Variants in KLF15 observed in about 807,000 individuals in gnomAD.
The protein encoded by KLF15 is Krueppel-like factor 15.
Under a neutral mutation model 24.6 loss-of-function variants are expected in KLF15, and 4 were observed. The ratio of observed to expected loss-of-function variants is 0.16; its 90% CI spans 0.08 to 0.37. The LOEUF (loss-of-function observed/expected upper bound fraction) is 0.37. Among genes scored for constraint, KLF15 ranks in the 10% least tolerant of loss-of-function variants. The probability of loss-of-function intolerance (pLI) is 1.00; values close to 1 mark genes in which losing one functional copy is unlikely to be tolerated. For synonymous variants in KLF15, 246 were observed against 236.3 expected (o/e 1.04, Z -0.37); for missense variants, 496 against 560.6 (o/e 0.88, Z 1.16).
chr3:126,336,548 T>C, the KLF15 span, among the ~76,000 whole-genome samples: 1 of 76,802 alleles, frequency 1.3e-5, no homozygotes. Context: ...CAAAAAGCAA[T>C]GGCAACAAAA....
At chr3:126,293,414 G>A in the KLF15 span, among the ~76,000 whole-genome samples, 10 of 152,288 alleles carry the variant, frequency 6.6e-5, no homozygotes, top group Admixed American at 5.2e-4. Flanking sequence ...CTGGAGCTCC[G>A]TTTTGGCCAG....
At chr3:126,341,486 G>A (rs1001557810), downstream of KLF15, among the ~76,000 whole-genome samples, 3 of 152,232 alleles carry the variant, frequency 2.0e-5, no homozygotes, top group Non-Finnish European at 1.5e-5. Flanking sequence ...AACAAGGCTG[G>A]AAATCAATGC....
chr3:126,305,003 G>A, the KLF15 span, among the ~76,000 whole-genome samples: 43 of 152,222 alleles, frequency 2.8e-4, 1 homozygote, highest in Non-Finnish European at 4.4e-5. Flanking sequence ...AAGTGACTAA[G>A]TTCTGGTAGA....
chr3:126,350,099 C>G (rs79524594), intron 2 of KLF15, among the ~76,000 whole-genome samples: 8 of 152,214 alleles, frequency 5.3e-5, no homozygotes, highest in Non-Finnish European at 1.2e-4. Context: ...TAGTGGCTGA[C>G]CCAGGCGTAG....
At position 126,352,931 on chromosome 3, in the gene KLF15, G is replaced by A; in HGVS notation, c.-9C>T. 3.1e-6 allele frequency: 5 copies of A among 1,588,266 alleles called. No individual in the cohort carries two copies. Among genetic ancestry groups the A allele is most frequent in the Non-Finnish European group, 4.3e-6 (5 of 1,166,036 alleles). On this transcript the variant is annotated 5_prime_UTR_variant, in exon 2 of 3. Coordinates refer to ENST00000296233, the MANE Select transcript of KLF15 (RefSeq NM_014079.4). Reference sequence around the variant, plus strand: ...AGTAAGTGGTCCACCATGCTGGCCTGGCCGTGCCGGTGGCGGCTGCAGGAA... The same window carrying A: ...AGTAAGTGGTCCACCATGCTGGCCTAGCCGTGCCGGTGGCGGCTGCAGGAA...
the KLF15 span, among the ~76,000 whole-genome samples, chr3:126,303,021 TTATATC>T: frequency 3.5e-3 from 529 of 152,270 alleles, 3 homozygotes; most frequent in African/African-American, 0.012. Context: ...TTTTGTTGGC[TTATATC>T]TATAACTGTT....
chr3:126,337,700 C>T (rs1033960202), downstream of KLF15, among the ~76,000 whole-genome samples: 24 of 152,266 alleles, frequency 1.6e-4, no homozygotes, highest in African/African-American at 5.1e-4. Flanking sequence ...AATACAATTG[C>T]CACCAACAAC....
chr3:126,323,403 TTATATATATA>T, the KLF15 span, among the ~76,000 whole-genome samples: 188 of 50,784 alleles, frequency 3.7e-3, 10 homozygotes, highest in South Asian at 9.9e-3. Context: ...GCCCCAGTAG[TTATATATATA>T]TATATATATA....
At position 126,343,553 on chromosome 3, in the gene KLF15, T is replaced by A. The variant is rs1370783442; in HGVS notation, c.*174A>T. ...AGGGACGCGGGTTCGAGGCTCTAAGTACTCCCGAGAAAGGCAGCGGTTGGC... is the reference window on the plus strand; with the variant it reads ...AGGGACGCGGGTTCGAGGCTCTAAGAACTCCCGAGAAAGGCAGCGGTTGGC... On this transcript the variant is annotated 3_prime_UTR_variant, in exon 3 of 3. Transcript: ENST00000296233. 1 of 632,950 alleles carries A rather than the reference T, an allele frequency of 1.6e-6. No homozygotes were observed. Among genetic ancestry groups the A allele is most frequent in the East Asian group, 3.1e-5 (1 of 32,608 alleles). The allele number at this position is 632,950 out of a possible 1,614,324, so 39.2% of individuals were successfully genotyped here. A position where few individuals can be genotyped will look rare whatever the true frequency, so the allele number is the denominator to read the frequency against.
the KLF15 span, among the ~76,000 whole-genome samples, chr3:126,312,100 C>T: frequency 6.6e-6 from 1 of 152,218 alleles, no homozygotes; most frequent in South Asian, 2.1e-4. Flanking sequence ...CTTTCAGAAT[C>T]TGGCATCAGA....
At chr3:126,341,857 C>G (rs1002101253), downstream of KLF15, among the ~76,000 whole-genome samples, 3 of 152,154 alleles carry the variant, frequency 2.0e-5, no homozygotes, top group African/African-American at 7.2e-5. Context: ...CTGCACATGA[C>G]TGGGTGAACC....
intron 2 of KLF15, among the ~76,000 whole-genome samples, chr3:126,350,684 C>G (rs554147107): frequency 6.6e-6 from 1 of 152,264 alleles, no homozygotes; most frequent in African/African-American, 2.4e-5. Context: ...GGCAGCCACA[C>G]ATGGTGCACA....
the KLF15 span, among the ~76,000 whole-genome samples, chr3:126,303,342 ATTCT>A: frequency 6.6e-6 from 1 of 151,878 alleles, no homozygotes; most frequent in Non-Finnish European, 1.5e-5. Flanking sequence ...TCTGTTGGTA[ATTCT>A]TTCAGCTATT....
At chr3:126,311,841 G>A in the KLF15 span, among the ~76,000 whole-genome samples, 10 of 152,190 alleles carry the variant, frequency 6.6e-5, no homozygotes, top group South Asian at 2.1e-4. Context: ...CCAGGAAGGC[G>A]GCCCTGCCCC....
the KLF15 span, among the ~76,000 whole-genome samples, chr3:126,303,057 A>G: frequency 5.9e-3 from 898 of 152,140 alleles, 12 homozygotes; most frequent in African/African-American, 0.02. Context: ...GTTGCTTTAG[A>G]ATTTTTAGTA....
the KLF15 span, among the ~76,000 whole-genome samples, chr3:126,293,474 C>A: frequency 6.6e-6 from 1 of 152,146 alleles, no homozygotes; most frequent in African/African-American, 2.4e-5. Context: ...GTGGAGAACC[C>A]AGACATGTCT....
In KLF15 at chr3:126,352,753, G is replaced by A. The variant is rs756820018; in HGVS notation, c.170C>T (p.Ser57Phe). ...SSPCSCSSPDSQALCSCYGGG... is the reference protein window; with the variant it reads ...SSPCSCSSPDFQALCSCYGGG... Reference sequence around the variant, plus strand: ...ACCATAGCAGGAGCAGAGGGCTTGAGAGTCGGGACTGGAACAGGAGCAGGG... The same window carrying A: ...ACCATAGCAGGAGCAGAGGGCTTGAAAGTCGGGACTGGAACAGGAGCAGGG... The change falls in exon 2 of 3, where the codon TCT becomes TTT. Residue 57 changes from serine to phenylalanine, a missense_variant. Transcript: ENST00000296233. 4 of 1,572,436 alleles carry A rather than the reference G, an allele frequency of 2.5e-6. No individual in the cohort carries two copies. In the South Asian group the frequency reaches 4.6e-5, roughly 18 times the overall value.
chr3:126,352,592 C>A lies in KLF15; in HGVS notation c.331G>T (p.Ala111Ser), dbSNP rs746486682. The A allele has an allele frequency of 6.2e-7, 1 of 1,611,818 alleles. No homozygotes were observed. Among genetic ancestry groups the A allele is most frequent in the Admixed American group, 1.7e-5 (1 of 59,880 alleles). ...GPVAWGPWRRAAAPVKGEHFC... is the reference protein window; with the variant it reads ...GPVAWGPWRRSAAPVKGEHFC... ...TGCTCCCCCTTCACAGGGGCCGCTG[C>A]CCTTCGCCAGGGCCCCCAGGCCACG... Residue 111 changes from alanine (A) to serine (S), a missense_variant, in exon 2 of 3, where the codon GCA (alanine) becomes TCA (serine). Transcript: ENST00000296233.
In KLF15 at chr3:126,343,913, G is replaced by T. The variant is rs982426493; in HGVS notation, c.1083-18C>A. ...GCGAGAACCTGCGGGACATGGCGCG[G>T]TCAGCGAGGCCTGGCCCTGCCTGCC... On this transcript the variant is annotated intron_variant, in intron 2 of 2. Coordinates refer to ENST00000296233, the MANE Select transcript of KLF15 (RefSeq NM_014079.4). 2.6e-6 allele frequency: 4 copies of T among 1,563,854 alleles called. No homozygotes were observed. The African/African-American group carries it at 5.5e-5, about 21-fold the overall frequency.
Sources: allele counts gnomAD v4.1 joint callset (sites outside exome capture counted in the v4.1 genomes callset), GRCh38; gene constraint gnomAD v4.1.1; transcripts MANE v1.5; gene names NCBI Gene and HGNC (gene_info 2026-07-23, HGNC 2026-07-21).